Variants in ZNF143 observed in about 807,000 individuals in gnomAD.
The protein encoded by ZNF143 is zinc finger protein 143, also known as SPH-binding factor.
A neutral mutation model predicts 74.1 loss-of-function variants in ZNF143; 49 were observed. The observed-to-expected ratio is 0.66, with a 90% confidence interval of 0.53 to 0.84. The LOEUF (loss-of-function observed/expected upper bound fraction) is 0.84. Among genes scored for constraint, ZNF143 ranks in the 40% least tolerant of loss-of-function variants. ZNF143 has a pLI of 0.00. For missense variants in ZNF143, 637 were observed against 793.4 expected (o/e 0.80, Z 2.37); for synonymous variants, 304 against 282.8 (o/e 1.07, Z -0.75).
At chr11:9,488,110 C>T (rs1403484735) in intron 7 of ZNF143, among the ~76,000 whole-genome samples, 1 of 152,164 alleles carries the variant, frequency 6.6e-6, no homozygotes, top group Non-Finnish European at 1.5e-5. Flanking sequence ...GATAGCCAGG[C>T]ATGGTGGCAC....
rs1229849272 is a variant in ZNF143, at chr11:9,496,358, G to A, written c.821G>A (p.Cys274Tyr). Residue 274 changes from cysteine (C) to tyrosine (Y), a missense_variant, in exon 9 of 16, where the codon TGT becomes TAT. Physicochemically the swap from Cys to Tyr is radical, Grantham distance 194. Coordinates refer to ENST00000396602, the MANE Select transcript of ZNF143 (RefSeq NM_003442.6). Reference sequence around the variant, plus strand: ...CCTTATCAGTGTGAGCATGCAGGCTGTGGGAAGGCATTTGCAACAGGTAAA... The same window carrying A: ...CCTTATCAGTGTGAGCATGCAGGCTATGGGAAGGCATTTGCAACAGGTAAA... ...DRPYQCEHAG[C>Y]GKAFATGYGL... 6.2e-7 allele frequency: 1 copy of A among 1,614,154 alleles called. No individual in the cohort carries two copies. The highest frequency in any genetic ancestry group is 2.2e-5 in the East Asian group (1 of 44,882).
At chr11:9,478,675 C>CAA in intron 6 of ZNF143, 89 bp downstream of exon 6, 1 of 1,463,884 alleles carries the variant, frequency 6.8e-7, no homozygotes. Context: ...TACACCTCAT[C>CAA]AAAAAAAACC....
intron 10 of ZNF143, among the ~76,000 whole-genome samples, chr11:9,498,164 G>A (rs1848036071): frequency 6.6e-6 from 1 of 152,250 alleles, no homozygotes; most frequent in South Asian, 2.1e-4. Flanking sequence ...GGTACTTGAG[G>A]AATGAGTTTC....
Position 9,486,414 on chromosome 11 carries a change from T to TATATTATATATATAAA in ZNF143, c.645+6872_645+6873insTATATATATAAAATAT, listed in dbSNP as rs1565039172. Among the ~76,000 whole-genome samples, 7 of 24,036 alleles carry TATATTATATATATAAA rather than the reference T, an allele frequency of 2.9e-4. 1 individual carries two copies. The highest frequency in any genetic ancestry group is 1.0e-3 in the African/African-American group (6 of 6,024). 15.8% of individuals were successfully genotyped at this position (24,036 alleles called of 152,430 possible). ...TATATATAATATATTATATATATAA[T>TATATTATATATATAAA]ATATATTATATATATTATATATATA... is the stretch of plus-strand genomic sequence containing the variant. On this transcript the variant is annotated intron_variant, in intron 7 of 15. Transcript: ENST00000396602.
intron 11 of ZNF143, among the ~76,000 whole-genome samples, chr11:9,507,123 A>G (rs1848392578): frequency 1.3e-5 from 2 of 152,336 alleles, no homozygotes; most frequent in Non-Finnish European, 2.9e-5. Flanking sequence ...CTTTATGTGT[A>G]AGACTTATGT....
intron 13 of ZNF143, among the ~76,000 whole-genome samples, chr11:9,513,824 G>C (rs1355121887): frequency 6.6e-6 from 1 of 152,216 alleles, no homozygotes. Context: ...GCACCCAGGA[G>C]GCGGGGTAAG....
intron 6 of ZNF143, among the ~76,000 whole-genome samples, chr11:9,479,028 A>G (rs920638105): frequency 6.6e-6 from 1 of 152,214 alleles, no homozygotes; most frequent in South Asian, 2.1e-4. Flanking sequence ...AGAAGTAGGA[A>G]CTATAGATTA....
chr11:9,522,336 C>T (rs940051925), intron 14 of ZNF143, among the ~76,000 whole-genome samples: 2 of 151,838 alleles, frequency 1.3e-5, no homozygotes, highest in Non-Finnish European at 2.9e-5. Flanking sequence ...AGGGATCCCT[C>T]AGCCTCAGCC....
rs754845575 is a variant in ZNF143 at position 9,479,496 on chromosome 11, G to T, written c.595G>T (p.Val199Leu). ...AKVSIDGSESVAGTGMIGENE... is the reference protein window; with the variant it reads ...AKVSIDGSESLAGTGMIGENE... ...GGTGTCCATTGATGGAAGTGAAAGTGTAGCAGGTACTGGAATGATTGGAGA... is the reference window on the plus strand; with the variant it reads ...GGTGTCCATTGATGGAAGTGAAAGTTTAGCAGGTACTGGAATGATTGGAGA... The change falls in exon 7 of 16, where the codon GTA (valine) becomes TTA (leucine). Residue 199 changes from valine to leucine, a missense_variant. Physicochemically the swap from Val to Leu is conservative, Grantham distance 32 (BLOSUM62 1). This residue lies in a region of ZNF143 where 293 missense variants were observed against 307.8 expected (regional missense o/e 0.95). Transcript: ENST00000396602. The T allele has an allele frequency of 2.5e-6, 4 of 1,612,924 alleles. No homozygotes were observed. The African/African-American group carries it at 5.3e-5, about 22-fold the overall frequency.
Position 9,479,651 on chromosome 11 carries a change from C to A in ZNF143, c.645+105C>A, listed in dbSNP as rs566033500. ...ACTCACTACCTCTCTAGGAAAATCTCACCAGTTCAGAAAAACAATGTATGT... is the reference window on the plus strand; with the variant it reads ...ACTCACTACCTCTCTAGGAAAATCTAACCAGTTCAGAAAAACAATGTATGT... On this transcript the variant is annotated intron_variant, in intron 7 of 15. Transcript: ENST00000396602. 3,946 of 868,860 alleles carry A rather than the reference C, an allele frequency of 4.5e-3. 12 individuals carry two copies. The highest frequency in any genetic ancestry group is 6.0e-3 in the Non-Finnish European group (3,431 of 567,886). 53.8% of individuals were successfully genotyped at this position (868,860 alleles called of 1,614,324 possible). A position where few individuals can be genotyped will look rare whatever the true frequency, so the allele number is the denominator to read the frequency against.
chr11:9,484,458 A>T (rs907386723), intron 7 of ZNF143, among the ~76,000 whole-genome samples: 4 of 149,044 alleles, frequency 2.7e-5, no homozygotes, highest in African/African-American at 1.0e-4. Flanking sequence ...CAAGTGATCC[A>T]CCTGCCTCGG....
intron 1 of ZNF143, among the ~76,000 whole-genome samples, chr11:9,467,929 A>T (rs1856345640): frequency 6.6e-6 from 1 of 151,384 alleles, no homozygotes. Context: ...TGCTTTCCTT[A>T]CCTATGTCAC....
chr11:9,468,771 A>G (rs776036462), intron 1 of ZNF143, among the ~76,000 whole-genome samples: 61 of 151,976 alleles, frequency 4.0e-4, no homozygotes, highest in Non-Finnish European at 7.6e-4. Context: ...CATGAGCCCA[A>G]GAATTTGAGG....
intron 6 of ZNF143, 149 bp downstream of exon 6, chr11:9,478,735 C>G: frequency 2.5e-6 from 2 of 805,146 alleles, no homozygotes; most frequent in South Asian, 4.1e-5. Flanking sequence ...TATAACTTCC[C>G]AGCACTTTGG....
chr11:9,470,064 A>G (rs1235787611), intron 1 of ZNF143, among the ~76,000 whole-genome samples: 3 of 152,230 alleles, frequency 2.0e-5, no homozygotes, highest in Non-Finnish European at 2.9e-5. Flanking sequence ...AAGGTCCTCA[A>G]GACATCTTCT....
At chr11:9,474,724 A>G (rs969771733) in intron 5 of ZNF143, 91 bp downstream of exon 5, 2 of 1,239,024 alleles carry the variant, frequency 1.6e-6, no homozygotes, top group African/African-American at 3.0e-5. Context: ...AATTGTTGTC[A>G]TGGGAAAGAA....
intron 7 of ZNF143, among the ~76,000 whole-genome samples, chr11:9,493,888 A>G (rs927984483): frequency 8.5e-5 from 13 of 152,226 alleles, no homozygotes; most frequent in Admixed American, 5.9e-4. Flanking sequence ...ACAGAGTAGT[A>G]GTATCATATG....
rs1304314927 is a variant in ZNF143 at position 9,496,286 on chromosome 11, C to T, written c.766-17C>T. The T allele has an allele frequency of 6.2e-7, 1 of 1,613,222 alleles. No homozygotes were observed. The highest frequency in any genetic ancestry group is 2.2e-5 in the East Asian group (1 of 44,880). On this transcript the variant is annotated splice_polypyrimidine_tract_variant and intron_variant, in intron 8 of 15. Coordinates refer to ENST00000396602, the MANE Select transcript of ZNF143 (RefSeq NM_003442.6). ...ATACGTAAAGGAAATAGAATCATGC[C>T]TGCATTTTAATCACAGGTCCATGAG...
intron 2 of ZNF143, among the ~76,000 whole-genome samples, chr11:9,471,745 T>A (rs769350815): frequency 6.6e-6 from 1 of 151,714 alleles, no homozygotes; most frequent in Non-Finnish European, 1.5e-5. Flanking sequence ...AGAGACGGGG[T>A]TTCACCACGT....
Sources: gnomAD v4.1 joint callset for allele counts (sites outside exome capture counted in the v4.1 genomes callset) on GRCh38, gnomAD v4.1.1 for gene constraint, gnomAD v4.1.1 regional missense constraint, MANE v1.5 for transcripts, NCBI Gene and HGNC (gene_info 2026-07-23, HGNC 2026-07-21) for gene names.